Variants in CCDC110 observed in about 807,000 individuals in gnomAD.
CCDC110 encodes the protein coiled-coil domain containing 110, also known as coiled-coil domain-containing protein 110.
CCDC110 carries 70 observed loss-of-function variants against 77.1 expected under a neutral mutation model. The ratio of observed to expected loss-of-function variants is 0.91; its 90% CI spans 0.75 to 1.11. CCDC110 has a LOEUF of 1.11. Ranked by LOEUF, CCDC110 falls within the 50% of genes least tolerant of loss-of-function variation. The pLI, the probability that CCDC110 is intolerant of heterozygous loss-of-function variation, is 0.00. For synonymous variants in CCDC110, 295 were observed against 312.5 expected (o/e 0.94, Z 0.59); for missense variants, 868 against 942.9 (o/e 0.92, Z 1.04).
intron 2 of CCDC110, among the ~76,000 whole-genome samples, chr4:185,463,570 A>G (rs1215200300): frequency 1.3e-5 from 2 of 152,182 alleles, no homozygotes; most frequent in Non-Finnish European, 2.9e-5. Context: ...CCTCTTGGCC[A>G]TGTATGAATG....
chr4:185,449,193 T>C (rs1412639394), intron 6 of CCDC110, among the ~76,000 whole-genome samples: 1 of 152,202 alleles, frequency 6.6e-6, no homozygotes, highest in African/African-American at 2.4e-5. Flanking sequence ...AAAGTATATT[T>C]GTTTTAAATT....
rs774603233 is a variant in CCDC110, at chr4:185,458,511, A to T, written c.2076T>A (p.Asn692Lys). Residue 692 changes from asparagine (N) to lysine (K), a missense_variant, in exon 6 of 7, where the codon AAT becomes AAA. By Grantham distance (94) the Asn-to-Lys change is moderately conservative (BLOSUM62 0). Coordinates refer to ENST00000307588, the MANE Select transcript of CCDC110 (RefSeq NM_152775.4). Reference sequence around the variant, plus strand: ...ATTCCTTGCCAATTTCTGACAAGCTATTCTTATAAATACTTGCTTCTGATT... The same window carrying T: ...ATTCCTTGCCAATTTCTGACAAGCTTTTCTTATAAATACTTGCTTCTGATT... ...NAKSEASIYKNSLSEIGKECE... is the reference protein window; with the variant it reads ...NAKSEASIYKKSLSEIGKECE... The T allele has an allele frequency of 1.9e-6, 3 of 1,607,642 alleles. No homozygotes were observed. The Admixed American group carries it at 5.1e-5, about 27-fold the overall frequency.
At position 185,459,632 on chromosome 4, in the gene CCDC110, C is replaced by T; in HGVS notation, c.955G>A (p.Val319Met). The change falls in exon 6 of 7, where the codon GTG (valine) becomes ATG (methionine). Residue 319 changes from valine to methionine, a missense_variant. Transcript: ENST00000307588. Reference sequence around the variant, plus strand: ...TCCCTGAAGGGGAGTAATTTCTTCACTAATGCCTCTAATTCTGAAATTCTC... The same window carrying T: ...TCCCTGAAGGGGAGTAATTTCTTCATTAATGCCTCTAATTCTGAAATTCTC... ...SKRISELEAL[V>M]KKLLPFRETV... The T allele has an allele frequency of 6.2e-7, 1 of 1,612,004 alleles. No homozygotes were observed.
At chr4:185,465,497 T>C (rs1232974825) in intron 2 of CCDC110, among the ~76,000 whole-genome samples, 1 of 152,210 alleles carries the variant, frequency 6.6e-6, no homozygotes, top group Non-Finnish European at 1.5e-5. Flanking sequence ...AGCAGCTTAG[T>C]GGACCCATGG....
intron 6 of CCDC110, chr4:185,449,860 G>T: frequency 2.5e-6 from 1 of 400,196 alleles, no homozygotes. Flanking sequence ...TTAGATCTAT[G>T]CTTCTGAGCA....
At chr4:185,450,291 A>C (rs2095626898) in intron 6 of CCDC110, among the ~76,000 whole-genome samples, 1 of 152,186 alleles carries the variant, frequency 6.6e-6, no homozygotes, top group Non-Finnish European at 1.5e-5. Context: ...ATCTTATAAA[A>C]ATTCTGAAGT....
intron 6 of CCDC110, among the ~76,000 whole-genome samples, chr4:185,447,339 G>C (rs548950478): frequency 1.3e-5 from 2 of 151,692 alleles, no homozygotes; most frequent in Non-Finnish European, 2.9e-5. Flanking sequence ...CCGCCACCAC[G>C]CCCGGCTAAT....
intron 6 of CCDC110, among the ~76,000 whole-genome samples, chr4:185,456,568 C>T (rs2095636342): frequency 6.6e-6 from 1 of 152,138 alleles, no homozygotes; most frequent in Non-Finnish European, 1.5e-5. Flanking sequence ...AAAGAGGGGA[C>T]ATCGCTACAA....
chr4:185,467,517 C>T (rs1198079311), intron 2 of CCDC110, among the ~76,000 whole-genome samples: 1 of 152,024 alleles, frequency 6.6e-6, no homozygotes, highest in South Asian at 2.1e-4. Flanking sequence ...ATAAACAAAG[C>T]GGAAGGCATG....
chr4:185,459,905 G>C lies in CCDC110; in HGVS notation c.682C>G (p.Pro228Ala). 4 of 1,613,800 alleles carry C rather than the reference G, an allele frequency of 2.5e-6. No homozygotes were observed. Among genetic ancestry groups the C allele is most frequent in the Non-Finnish European group, 3.4e-6 (4 of 1,179,848 alleles). ...VILDKSKITV[P>A]FLKHGFCENL... ...TCACAAAATCCATGCTTGAGAAAAGGCACAGTAATTTTGGATTTATCCAGA... is the reference window on the plus strand; with the variant it reads ...TCACAAAATCCATGCTTGAGAAAAGCCACAGTAATTTTGGATTTATCCAGA... Residue 228 changes from proline to alanine, a missense_variant, in exon 6 of 7, where the codon CCT (proline) becomes GCT (alanine). Physicochemically the swap from Pro to Ala is conservative, Grantham distance 27 (BLOSUM62 -1). Transcript: ENST00000307588.
In CCDC110 at chr4:185,458,798, T is replaced by G. The variant is rs1420905737; in HGVS notation, c.1789A>C (p.Lys597Gln). ...TCATTTCCAAGTGAGCTTTTTTCTTTTAGAAGCTGGTGTGTTTTTTTCTCT... is the reference window on the plus strand; with the variant it reads ...TCATTTCCAAGTGAGCTTTTTTCTTGTAGAAGCTGGTGTGTTTTTTTCTCT... ...MLEKKTHQLL[K>Q]EKSSLGNELK... Residue 597 changes from lysine to glutamine, a missense_variant, in exon 6 of 7, where the codon AAA becomes CAA. Physicochemically the swap from Lys to Gln is moderately conservative, Grantham distance 53. Coordinates refer to ENST00000307588, the MANE Select transcript of CCDC110 (RefSeq NM_152775.4). 2 of 1,610,636 alleles carry G rather than the reference T, an allele frequency of 1.2e-6. No homozygotes were observed. Among genetic ancestry groups the G allele is most frequent in the Non-Finnish European group, 1.7e-6 (2 of 1,179,292 alleles).
chr4:185,463,110 G>T, intron 2 of CCDC110, 61 bp from the exon 3 acceptor site: 1 of 1,318,984 alleles, frequency 7.6e-7, no homozygotes, highest in Admixed American at 1.7e-5. Context: ...TTTAAAACCT[G>T]TAATAGAAAG....
intron 6 of CCDC110, among the ~76,000 whole-genome samples, chr4:185,448,926 A>G (rs1580162463): frequency 6.6e-6 from 1 of 152,130 alleles, no homozygotes; most frequent in African/African-American, 2.4e-5. Flanking sequence ...TCTGAATTTT[A>G]TCTTCCGTTT....
chr4:185,449,171 T>A (rs1022903290), intron 6 of CCDC110, among the ~76,000 whole-genome samples: 5 of 152,224 alleles, frequency 3.3e-5, no homozygotes, highest in African/African-American at 1.2e-4. Context: ...TTTTGGATTG[T>A]TAATATGTTA....
intron 6 of CCDC110, chr4:185,449,453 G>T (rs1027474308): frequency 1.4e-5 from 7 of 513,426 alleles, no homozygotes; most frequent in African/African-American, 1.2e-4. Flanking sequence ...AGCCTAGGAG[G>T]TTGAGGTTGC....
At chr4:185,460,355 TC>T (rs1401374720) in intron 5 of CCDC110, 117 bp from the exon 6 acceptor site, 6 of 682,144 alleles carry the variant, frequency 8.8e-6, no homozygotes, top group Non-Finnish European at 1.2e-5. Context: ...TTTATCCATT[TC>T]TACAGCAAAG....
At chr4:185,465,880 C>T (rs2095654753) in intron 2 of CCDC110, among the ~76,000 whole-genome samples, 1 of 152,014 alleles carries the variant, frequency 6.6e-6, no homozygotes, top group Admixed American at 6.6e-5. Context: ...AATGATGGCT[C>T]CTTGTTTTTT....
intron 6 of CCDC110, chr4:185,457,773 T>C: frequency 7.0e-7 from 1 of 1,435,842 alleles, no homozygotes; most frequent in Non-Finnish European, 9.2e-7. Flanking sequence ...AGTTTATTTA[T>C]ATATCTTGGA....
chr4:185,451,743 T>C (rs1224854538), intron 6 of CCDC110, among the ~76,000 whole-genome samples: 4 of 152,184 alleles, frequency 2.6e-5, no homozygotes, highest in Non-Finnish European at 5.9e-5. Flanking sequence ...ATAAGAGTTT[T>C]ATATTTTCAG....
Sources: allele counts gnomAD v4.1 joint callset (sites outside exome capture counted in the v4.1 genomes callset), GRCh38; gene constraint gnomAD v4.1.1; transcripts MANE v1.5; gene names NCBI Gene and HGNC (gene_info 2026-07-23, HGNC 2026-07-21).